PPP1R9A: variants seen among roughly 807,000 people sequenced by gnomAD.
PPP1R9A encodes neurabin-1.
Under a neutral mutation model 141.9 loss-of-function variants are expected in PPP1R9A, and 59 were observed. The ratio of observed to expected loss-of-function variants is 0.42; its 90% CI spans 0.34 to 0.52. PPP1R9A has a LOEUF of 0.52. PPP1R9A is among the 20% of genes least tolerant of loss of function. The pLI, the probability that PPP1R9A is intolerant of heterozygous loss-of-function variation, is 0.10. For missense variants in PPP1R9A, 1,444 were observed against 1,611.9 expected, an observed-to-expected ratio of 0.90 and a Z score of 1.78; for synonymous variants, 500 against 569.7, an observed-to-expected ratio of 0.88 and a Z score of 1.74.
At chr7:95,272,975 A>G (rs1291498664) in intron 14 of PPP1R9A, among the ~76,000 whole-genome samples, 3 of 152,194 alleles carry the variant, frequency 2.0e-5, no homozygotes, top group African/African-American at 7.2e-5. Context: ...AGCTAATTGG[A>G]TATGCTGAAA....
chr7:95,251,942 G>T lies in PPP1R9A; in HGVS notation c.2494-17G>T, dbSNP rs373308286. 3.7e-6 allele frequency: 6 copies of T among 1,605,318 alleles called. No individual in the cohort carries two copies. In the African/African-American group the frequency reaches 6.7e-5, roughly 18 times the overall value. ...AGCGCTAGTTTAGAGTTTTATAAAT[G>T]GATTTGTTTTTCCTAGATTAGAGAT... On this transcript the variant is annotated splice_polypyrimidine_tract_variant and intron_variant, in intron 11 of 19. Coordinates refer to ENST00000433360, the MANE Select transcript of PPP1R9A (RefSeq NM_001166160.2).
intron 10 of PPP1R9A, among the ~76,000 whole-genome samples, chr7:95,250,791 T>C (rs1798770248): frequency 6.6e-6 from 1 of 152,166 alleles, no homozygotes; most frequent in South Asian, 2.1e-4. Flanking sequence ...CTCCTTTCAC[T>C]GCAGGGAGAG....
chr7:94,945,513 A>G (rs1795801747), intron 2 of PPP1R9A, among the ~76,000 whole-genome samples: 1 of 152,076 alleles, frequency 6.6e-6, no homozygotes, highest in African/African-American at 2.4e-5. Context: ...GTTTTGTATC[A>G]AATTGACATG....
chr7:95,204,107 T>G (rs572329447), intron 7 of PPP1R9A, among the ~76,000 whole-genome samples: 1 of 152,266 alleles, frequency 6.6e-6, no homozygotes, highest in East Asian at 1.9e-4. Flanking sequence ...ATCCAGTACT[T>G]TTTTAGAAAA....
intron 2 of PPP1R9A, among the ~76,000 whole-genome samples, chr7:95,057,328 A>AG (rs1393293552): frequency 6.6e-6 from 1 of 152,110 alleles, no homozygotes; most frequent in Admixed American, 6.6e-5. Context: ...AGAAAAGAAA[A>AG]GGGGGAAAAT....
At chr7:94,921,225 T>C (rs1241686867) in intron 2 of PPP1R9A, among the ~76,000 whole-genome samples, 1 of 151,912 alleles carries the variant, frequency 6.6e-6, no homozygotes, top group Non-Finnish European at 1.5e-5. Context: ...GGCGGGCGGA[T>C]CACGAGGTCA....
chr7:95,180,133 G>A (rs1016358425), intron 5 of PPP1R9A, among the ~76,000 whole-genome samples: 3 of 152,082 alleles, frequency 2.0e-5, no homozygotes, highest in Admixed American at 1.3e-4. Flanking sequence ...TATACTATAA[G>A]GCCATAGTCA....
intron 2 of PPP1R9A, among the ~76,000 whole-genome samples, chr7:95,105,666 C>CT (rs1319493877): frequency 6.6e-6 from 1 of 152,108 alleles, no homozygotes; most frequent in East Asian, 1.9e-4. Flanking sequence ...GAGTCATGCT[C>CT]TGATTATTAT....
intron 2 of PPP1R9A, among the ~76,000 whole-genome samples, chr7:94,931,601 G>A (rs1794161966): frequency 6.6e-6 from 1 of 151,894 alleles, no homozygotes; most frequent in African/African-American, 2.4e-5. Flanking sequence ...TTTTTGAGAA[G>A]GAGTTTTGCT....
intron 2 of PPP1R9A, among the ~76,000 whole-genome samples, chr7:95,068,473 G>GAAAAAAAAAAAAAAA (rs36043693): frequency 1.1e-5 from 1 of 94,210 alleles, no homozygotes; most frequent in Non-Finnish European, 1.9e-5. Context: ...CTTGTCTCAA[G>GAAAAAAAAAAAAAAA]AAAAAAAAAA....
At chr7:95,193,539 C>T (rs1421405039) in intron 5 of PPP1R9A, among the ~76,000 whole-genome samples, 1 of 151,952 alleles carries the variant, frequency 6.6e-6, no homozygotes. Flanking sequence ...TCCTCTCAAA[C>T]TTCTATTATA....
intron 4 of PPP1R9A, chr7:95,155,741 A>G (rs961809894): frequency 6.6e-5 from 10 of 152,232 alleles, no homozygotes; most frequent in Admixed American, 2.0e-4. Flanking sequence ...GTGAGATTAT[A>G]AATACAGTTC....
intron 2 of PPP1R9A, among the ~76,000 whole-genome samples, chr7:95,096,167 T>C (rs1389583741): frequency 6.6e-6 from 1 of 152,192 alleles, no homozygotes; most frequent in Non-Finnish European, 1.5e-5. Flanking sequence ...TACAGGATTT[T>C]AGATAGGCCT....
At chr7:95,013,876 AT>A (rs1804751750) in intron 2 of PPP1R9A, among the ~76,000 whole-genome samples, 1 of 152,150 alleles carries the variant, frequency 6.6e-6, no homozygotes, top group Non-Finnish European at 1.5e-5. Flanking sequence ...ATAATTTCAG[AT>A]TTAAAGAAAG....
At chr7:95,063,520 G>A (rs1178766300) in intron 2 of PPP1R9A, among the ~76,000 whole-genome samples, 1 of 152,128 alleles carries the variant, frequency 6.6e-6, no homozygotes, top group Non-Finnish European at 1.5e-5. Context: ...AGCTGTGATT[G>A]TGCCACTGTA....
intron 12 of PPP1R9A, 88 bp downstream of exon 12, chr7:95,252,218 G>A (rs1798975931): frequency 7.3e-7 from 1 of 1,366,408 alleles, no homozygotes; most frequent in Non-Finnish European, 9.6e-7. Flanking sequence ...AGATTTAAAA[G>A]TTGGAAATAC....
intron 2 of PPP1R9A, among the ~76,000 whole-genome samples, chr7:95,037,719 G>A (rs1365963452): frequency 6.6e-6 from 1 of 152,118 alleles, no homozygotes; most frequent in East Asian, 1.9e-4. Context: ...GTGTGTGTGT[G>A]CGTGCACACA....
At chr7:95,111,437 T>C (rs1198697863) in intron 3 of PPP1R9A, 46 bp downstream of exon 3, 4 of 1,508,682 alleles carry the variant, frequency 2.7e-6, no homozygotes, top group South Asian at 1.3e-5. Flanking sequence ...GCTATGTTAA[T>C]AATACAGAAT....
At chr7:95,067,428 G>A (rs1563188902) in intron 2 of PPP1R9A, among the ~76,000 whole-genome samples, 3 of 152,118 alleles carry the variant, frequency 2.0e-5, no homozygotes, top group African/African-American at 4.8e-5. Context: ...ATACACTGGC[G>A]GGAAGGAAGT....
Sources: gnomAD v4.1 joint callset for allele counts (sites outside exome capture counted in the v4.1 genomes callset) on GRCh38, gnomAD v4.1.1 for gene constraint, MANE v1.5 for transcripts, NCBI Gene and HGNC (gene_info 2026-07-23, HGNC 2026-07-21) for gene names.